KDM4C: variants seen among roughly 807,000 people sequenced by gnomAD.
The protein encoded by KDM4C is lysine-specific demethylase 4C.
In KDM4C, 81 loss-of-function variants were observed where a neutral mutation model predicts 129.3. The ratio of observed to expected loss-of-function variants is 0.63; its 90% CI spans 0.52 to 0.75. KDM4C has a LOEUF of 0.75. KDM4C is among the 30% of genes least tolerant of loss of function. The pLI, the probability that KDM4C is intolerant of heterozygous loss-of-function variation, is 0.00. For missense variants in KDM4C, 1,457 were observed against 1,304.0 expected (o/e 1.12, Z -1.81); for synonymous variants, 573 against 456.1 (o/e 1.26, Z -3.26).
chr9:7,169,960 G>A (rs750950256), intron 21 of KDM4C, 70 bp downstream of exon 21: 1 of 1,606,350 alleles, frequency 6.2e-7, no homozygotes, highest in Non-Finnish European at 8.5e-7. Flanking sequence ...TGTTTCCCAA[G>A]CCCAGCAGGA....
intron 1 of KDM4C, among the ~76,000 whole-genome samples, chr9:6,762,427 C>T (rs968773144): frequency 6.6e-6 from 1 of 151,980 alleles, no homozygotes; most frequent in South Asian, 2.1e-4. Flanking sequence ...CTGACTTGGC[C>T]TCCCACAGTT....
chr9:7,095,048 G>A (rs1836262999), intron 17 of KDM4C, among the ~76,000 whole-genome samples: 1 of 152,184 alleles, frequency 6.6e-6, no homozygotes, highest in African/African-American at 2.4e-5. Flanking sequence ...TCTAACCAAG[G>A]TAAGTATATA....
At chr9:6,752,586 T>G (rs987600611) in intron 1 of KDM4C, among the ~76,000 whole-genome samples, 3 of 151,512 alleles carry the variant, frequency 2.0e-5, no homozygotes, top group African/African-American at 4.8e-5. Flanking sequence ...AATTTTGTAT[T>G]TTTAGTAGAG....
intron 1 of KDM4C, among the ~76,000 whole-genome samples, chr9:6,773,828 A>G (rs1342142302): frequency 6.6e-6 from 1 of 152,028 alleles, no homozygotes; most frequent in Non-Finnish European, 1.5e-5. Flanking sequence ...ATAATACAGT[A>G]AGATTGGGGG....
chr9:6,833,378 C>T (rs929617094), intron 4 of KDM4C, among the ~76,000 whole-genome samples: 9 of 152,008 alleles, frequency 5.9e-5, no homozygotes, highest in African/African-American at 7.2e-5. Context: ...TACTGACTTT[C>T]CTAGATATTG....
At chr9:6,832,031 T>C (rs1192691737) in intron 4 of KDM4C, among the ~76,000 whole-genome samples, 1 of 152,222 alleles carries the variant, frequency 6.6e-6, no homozygotes, top group African/African-American at 2.4e-5. Flanking sequence ...TACTGTATTA[T>C]ATACAGTTTA....
chr9:6,960,952 C>T (rs374439468), intron 8 of KDM4C, among the ~76,000 whole-genome samples: 44 of 152,268 alleles, frequency 2.9e-4, no homozygotes, highest in East Asian at 5.8e-4. Flanking sequence ...CATCCATACA[C>T]GCATTGTGAA....
At chr9:6,917,463 C>G (rs1040609234) in intron 8 of KDM4C, among the ~76,000 whole-genome samples, 7 of 152,184 alleles carry the variant, frequency 4.6e-5, no homozygotes, top group African/African-American at 1.4e-4. Flanking sequence ...GGTTTCACAC[C>G]TTGCCTTTCT....
At chr9:7,112,573 T>C (rs1441668845) in intron 18 of KDM4C, among the ~76,000 whole-genome samples, 1 of 152,156 alleles carries the variant, frequency 6.6e-6, no homozygotes, top group African/African-American at 2.4e-5. Flanking sequence ...TAGAACTGAT[T>C]ATGAGGAAGA....
chr9:7,129,315 C>T (rs1169663009), intron 19 of KDM4C, among the ~76,000 whole-genome samples: 1 of 152,100 alleles, frequency 6.6e-6, no homozygotes, highest in Non-Finnish European at 1.5e-5. Flanking sequence ...TTATACTTAC[C>T]TCTCTCTATG....
chr9:6,989,176 A>T (rs1464438533), intron 11 of KDM4C, among the ~76,000 whole-genome samples: 2 of 152,138 alleles, frequency 1.3e-5, no homozygotes, highest in Non-Finnish European at 2.9e-5. Context: ...TGCATTTGTC[A>T]TTCTTTTCTT....
chr9:6,977,588 A>G (rs1022520963), intron 8 of KDM4C, among the ~76,000 whole-genome samples: 4 of 152,176 alleles, frequency 2.6e-5, no homozygotes, highest in Non-Finnish European at 2.9e-5. Context: ...ATCTTATTTT[A>G]CTTTACAGCA....
At chr9:6,829,762 C>T (rs1834502081) in intron 4 of KDM4C, among the ~76,000 whole-genome samples, 1 of 152,188 alleles carries the variant, frequency 6.6e-6, no homozygotes, top group Admixed American at 6.5e-5. Context: ...AAGGGCATTT[C>T]CCCTGCAACC....
intron 4 of KDM4C, among the ~76,000 whole-genome samples, chr9:6,839,264 C>T (rs966146225): frequency 7.9e-5 from 12 of 152,066 alleles, no homozygotes; most frequent in African/African-American, 2.7e-4. Flanking sequence ...GGGTCTCACT[C>T]GGTTACCCAG....
chr9:7,034,483 C>T (rs892981251), intron 15 of KDM4C, among the ~76,000 whole-genome samples: 2 of 152,152 alleles, frequency 1.3e-5, no homozygotes, highest in African/African-American at 4.8e-5. Context: ...TGGCTTATTT[C>T]GCTTAATGTC....
intron 16 of KDM4C, among the ~76,000 whole-genome samples, chr9:7,048,033 G>A (rs550841402): frequency 3.8e-4 from 57 of 151,998 alleles, no homozygotes; most frequent in Non-Finnish European, 7.1e-4. Flanking sequence ...AGGAACTGTA[G>A]GGTTTGCTTA....
At chr9:7,050,605 A>G (rs1235680129) in intron 17 of KDM4C, among the ~76,000 whole-genome samples, 1 of 152,104 alleles carries the variant, frequency 6.6e-6, no homozygotes, top group African/African-American at 2.4e-5. Context: ...TTTTCTGATT[A>G]TAAAAGTAAT....
At chr9:6,843,488 A>G (rs13297051) in intron 4 of KDM4C, among the ~76,000 whole-genome samples, 15,435 of 152,302 alleles carry the variant, frequency 0.1, 1,013 homozygotes, top group Middle Eastern at 0.21. Flanking sequence ...TGCTAGGAAT[A>G]ATGTATTTTC....
At chr9:6,953,509 C>G (rs1023759915) in intron 8 of KDM4C, among the ~76,000 whole-genome samples, 1 of 152,114 alleles carries the variant, frequency 6.6e-6, no homozygotes, top group Non-Finnish European at 1.5e-5. Context: ...GCTGCCTAGA[C>G]TATAAAGCTT....
Sources: allele counts gnomAD v4.1 joint callset (sites outside exome capture counted in the v4.1 genomes callset), GRCh38; gene constraint gnomAD v4.1.1; transcripts MANE v1.5; gene names NCBI Gene and HGNC (gene_info 2026-07-23, HGNC 2026-07-21).